The following SOX5 variants were observed in gnomAD, a reference collection of about 807,000 sequenced individuals.
SOX5 encodes the protein SRY-box transcription factor 5, also known as transcription factor SOX-5.
SOX5 carries 9 observed loss-of-function variants against 92.0 expected under a neutral mutation model. That is an observed-to-expected ratio of 0.10 (90% CI 0.06 to 0.17). The LOEUF (loss-of-function observed/expected upper bound fraction) is 0.17, where lower values mean the gene tolerates loss of function less well. SOX5 is among the 10% of genes least tolerant of loss of function. The pLI is 1.00. For synonymous variants in SOX5, 344 were observed against 336.3 expected (o/e 1.02, Z -0.25); for missense variants, 642 against 944.5 (o/e 0.68, Z 4.20).
chr12:23,959,434 T>C (rs1366946168), intron 4 of SOX5, among the ~76,000 whole-genome samples: 2 of 151,814 alleles, frequency 1.3e-5, no homozygotes, highest in Non-Finnish European at 2.9e-5. Context: ...TATCTAAACA[T>C]AAAGAATAAA....
At chr12:24,461,131 T>G (rs1028921814) in intron 1 of SOX5, among the ~76,000 whole-genome samples, 3 of 152,158 alleles carry the variant, frequency 2.0e-5, no homozygotes, top group African/African-American at 7.2e-5. Context: ...GAAGGAACAA[T>G]AAAGATGAAA....
At chr12:23,929,010 T>A (rs34274796) in intron 1 of SOX5, among the ~76,000 whole-genome samples, 54,029 of 150,702 alleles carry the variant, frequency 0.36, 10,783 homozygotes, top group Non-Finnish European at 0.46. Context: ...ATTAAGTGAC[T>A]GCTCTGGTAG....
chr12:24,228,076 A>G (rs1376572263), intron 3 of SOX5, among the ~76,000 whole-genome samples: 5 of 152,184 alleles, frequency 3.3e-5, no homozygotes, highest in African/African-American at 7.2e-5. Context: ...AGAAAGGCAT[A>G]TGGCTTCCTT....
intron 9 of SOX5, among the ~76,000 whole-genome samples, chr12:23,602,531 A>T (rs1454739300): frequency 6.6e-6 from 1 of 152,160 alleles, no homozygotes; most frequent in Non-Finnish European, 1.5e-5. Context: ...AATGATAAAA[A>T]GTGAATGTAG....
chr12:23,823,179 G>A (rs967806074), intron 3 of SOX5, among the ~76,000 whole-genome samples: 1 of 152,126 alleles, frequency 6.6e-6, no homozygotes, highest in Non-Finnish European at 1.5e-5. Flanking sequence ...TGGTTATTTT[G>A]CCTATTGTTT....
At chr12:23,962,335 A>G (rs1168935781) in intron 4 of SOX5, among the ~76,000 whole-genome samples, 1 of 152,138 alleles carries the variant, frequency 6.6e-6, no homozygotes, top group Non-Finnish European at 1.5e-5. Flanking sequence ...GGAACCATAA[A>G]TTCTATAGCC....
chr12:23,780,165 G>A (rs2095245114), intron 3 of SOX5, among the ~76,000 whole-genome samples: 1 of 151,746 alleles, frequency 6.6e-6, no homozygotes, highest in Non-Finnish European at 1.5e-5. Context: ...ATGTACTAGA[G>A]GTAAAATGTC....
intron 1 of SOX5, among the ~76,000 whole-genome samples, chr12:24,497,127 G>A (rs1269034848): frequency 3.3e-5 from 5 of 152,172 alleles, no homozygotes; most frequent in Non-Finnish European, 7.3e-5. Context: ...CTACAGCTAG[G>A]CTATGGTTTC....
intron 4 of SOX5, among the ~76,000 whole-genome samples, chr12:24,195,290 T>A (rs952932267): frequency 1.1e-4 from 17 of 152,166 alleles, no homozygotes; most frequent in African/African-American, 4.1e-4. Flanking sequence ...AATCATCAAT[T>A]TTTTTAAATT....
intron 10 of SOX5, among the ~76,000 whole-genome samples, chr12:23,570,627 T>C (rs1322336634): frequency 1.3e-5 from 2 of 150,770 alleles, no homozygotes; most frequent in Non-Finnish European, 1.5e-5. Flanking sequence ...AATACAAAAA[T>C]TGGTCGGGTG....
chr12:24,427,664 A>G (rs79453062), intron 1 of SOX5, among the ~76,000 whole-genome samples: 4,212 of 152,318 alleles, frequency 0.028, 87 homozygotes, highest in Non-Finnish European at 0.042. Flanking sequence ...TCCATCTTCC[A>G]TCTCTTTGAG....
intron 4 of SOX5, among the ~76,000 whole-genome samples, chr12:24,018,276 T>A (rs1373631121): frequency 6.6e-6 from 1 of 152,218 alleles, no homozygotes; most frequent in East Asian, 1.9e-4. Context: ...TGTTGCTGTT[T>A]TATCATTTGC....
chr12:24,297,327 C>G (rs777791467), intron 2 of SOX5, among the ~76,000 whole-genome samples: 1 of 152,240 alleles, frequency 6.6e-6, no homozygotes, highest in Non-Finnish European at 1.5e-5. Context: ...TGAGCTTCAT[C>G]TTCGACAGTC....
chr12:24,209,203 T>C (rs959782554), intron 4 of SOX5, among the ~76,000 whole-genome samples: 4 of 152,192 alleles, frequency 2.6e-5, no homozygotes, highest in Non-Finnish European at 4.4e-5. Flanking sequence ...TGGGTAAGCA[T>C]AGGTGGAGGA....
chr12:24,270,507 T>C (rs1943588392), intron 3 of SOX5, among the ~76,000 whole-genome samples: 1 of 152,192 alleles, frequency 6.6e-6, no homozygotes, highest in Admixed American at 6.5e-5. Flanking sequence ...AACTATTTGC[T>C]CTATTATTTT....
chr12:23,733,017 T>C (rs944847307), intron 6 of SOX5, among the ~76,000 whole-genome samples: 1 of 152,224 alleles, frequency 6.6e-6, no homozygotes, highest in African/African-American at 2.4e-5. Context: ...ATCCACATTG[T>C]GAATGTAGTG....
intron 2 of SOX5, among the ~76,000 whole-genome samples, chr12:23,859,006 C>T (rs1238545723): frequency 6.6e-6 from 1 of 152,186 alleles, no homozygotes; most frequent in African/African-American, 2.4e-5. Flanking sequence ...TTAATCCCAT[C>T]ATCTTCATTA....
intron 3 of SOX5, among the ~76,000 whole-genome samples, chr12:24,252,768 G>A (rs1940385231): frequency 6.6e-6 from 1 of 151,820 alleles, no homozygotes; most frequent in South Asian, 2.1e-4. Context: ...TGAAAGCAAG[G>A]TGCTCCACAC....
intron 4 of SOX5, among the ~76,000 whole-genome samples, chr12:24,023,973 T>A (rs1429887061): frequency 2.0e-5 from 3 of 152,046 alleles, no homozygotes; most frequent in African/African-American, 7.2e-5. Flanking sequence ...CCTGTTATCA[T>A]ATGTAAAGTG....
Sources: allele counts gnomAD v4.1 joint callset (sites outside exome capture counted in the v4.1 genomes callset), GRCh38; gene constraint gnomAD v4.1.1; transcripts MANE v1.5; gene names NCBI Gene and HGNC (gene_info 2026-07-23, HGNC 2026-07-21).